The following ZNF618 variants were observed in gnomAD, a reference collection of about 807,000 sequenced individuals.
ZNF618 encodes the protein zinc finger protein 618.
Under a neutral mutation model 103.0 loss-of-function variants are expected in ZNF618, and 34 were observed. That is an observed-to-expected ratio of 0.33 (90% CI 0.25 to 0.44). The LOEUF (loss-of-function observed/expected upper bound fraction) is 0.44, where lower values mean the gene tolerates loss of function less well. Ranked by LOEUF, ZNF618 falls within the 20% of genes least tolerant of loss-of-function variation. The pLI is 1.00. For missense variants in ZNF618, 1,059 were observed against 1,295.4 expected (o/e 0.82, Z 2.80); for synonymous variants, 551 against 542.2 (o/e 1.02, Z -0.23).
intron 1 of ZNF618, among the ~76,000 whole-genome samples, chr9:113,906,329 AGGTTAT>A (rs2131349141): frequency 6.6e-6 from 1 of 152,222 alleles, no homozygotes; most frequent in South Asian, 2.1e-4. Flanking sequence ...AAGATGCCAG[AGGTTAT>A]GGCTCTGAAG....
intron 9 of ZNF618, among the ~76,000 whole-genome samples, chr9:114,011,982 T>G (rs1282369939): frequency 6.6e-6 from 1 of 151,864 alleles, no homozygotes; most frequent in Non-Finnish European, 1.5e-5. Flanking sequence ...ATGGGTTACT[T>G]GATTTTTATG....
chr9:113,887,119 G>GAGGGC (rs1829150109), intron 1 of ZNF618, among the ~76,000 whole-genome samples: 1 of 151,908 alleles, frequency 6.6e-6, no homozygotes, highest in South Asian at 2.1e-4. Context: ...GAACCCCGGA[G>GAGGGC]AGGGCAAGTG....
Position 114,050,296 on chromosome 9 carries a change from A to G in ZNF618, c.*129A>G. The G allele has an allele frequency of 8.5e-7, 1 of 1,170,222 alleles. No individual in the cohort carries two copies. Among genetic ancestry groups the G allele is most frequent in the South Asian group, 1.6e-5 (1 of 62,012 alleles). 72.5% of individuals were successfully genotyped at this position (1,170,222 alleles called of 1,614,324 possible). On this transcript the variant is annotated 3_prime_UTR_variant, in exon 15 of 15. Coordinates refer to ENST00000374126, the MANE Select transcript of ZNF618 (RefSeq NM_001318042.2). Reference sequence around the variant, plus strand: ...GACCTCATTATAAATGCCCCCTGGAAACTTAAGTGCTTTTTTTATATGTGT... The same window carrying G: ...GACCTCATTATAAATGCCCCCTGGAGACTTAAGTGCTTTTTTTATATGTGT...
chr9:114,039,775 T>C (rs1426338490), intron 13 of ZNF618, among the ~76,000 whole-genome samples: 1 of 152,196 alleles, frequency 6.6e-6, no homozygotes, highest in Non-Finnish European at 1.5e-5. Context: ...ATGACGGATG[T>C]AGAGTATCAA....
chr9:114,030,016 CCG>C (rs1490976425), intron 11 of ZNF618, among the ~76,000 whole-genome samples: 5 of 152,176 alleles, frequency 3.3e-5, no homozygotes, highest in Admixed American at 3.3e-4. Flanking sequence ...GCCTCTGGGA[CCG>C]CGGGCCCTTC....
In ZNF618 at chr9:113,999,166, C is replaced by A. The variant is rs1450576641; in HGVS notation, c.433+812C>A. On this transcript the variant is annotated intron_variant, in intron 4 of 14. Coordinates refer to ENST00000374126, the MANE Select transcript of ZNF618 (RefSeq NM_001318042.2). ...TCCCTGGCCCCATCACAAAGGGGAA[C>A]CTGAAGCCCAGAGTCGGGCTGAGCG... 2.0e-5 allele frequency among the ~76,000 whole-genome samples: 3 copies of A among 152,238 alleles called. No homozygotes were observed. The East Asian group carries it at 5.8e-4, about 29-fold the overall frequency.
chr9:114,001,904 A>ACTT, intron 4 of ZNF618, 92 bp from the exon 5 acceptor site: 4 of 1,088,946 alleles, frequency 3.7e-6, no homozygotes, highest in Non-Finnish European at 5.7e-6. Flanking sequence ...TGGGACAGAG[A>ACTT]GTTAGCCACA....
chr9:113,888,665 T>C (rs1261472046), intron 1 of ZNF618, among the ~76,000 whole-genome samples: 1 of 152,184 alleles, frequency 6.6e-6, no homozygotes, highest in Non-Finnish European at 1.5e-5. Context: ...ACCCCAGGGA[T>C]ACCTGGAGCC....
chr9:113,959,955 A>C (rs1004968349), intron 1 of ZNF618, among the ~76,000 whole-genome samples: 2 of 152,116 alleles, frequency 1.3e-5, no homozygotes, highest in African/African-American at 4.8e-5. Flanking sequence ...TTTGGAGGTG[A>C]ATTCTTCTAT....
At chr9:113,931,610 A>G (rs529972617) in intron 1 of ZNF618, among the ~76,000 whole-genome samples, 3 of 152,198 alleles carry the variant, frequency 2.0e-5, no homozygotes, top group Non-Finnish European at 2.9e-5. Flanking sequence ...GGGCTGATAC[A>G]GTAGCCACAA....
intron 9 of ZNF618, among the ~76,000 whole-genome samples, chr9:114,011,865 T>G (rs1192097612): frequency 1.3e-5 from 2 of 152,190 alleles, no homozygotes; most frequent in Non-Finnish European, 2.9e-5. Flanking sequence ...GTTAACTCGC[T>G]CTTCATCTGC....
chr9:113,992,176 A>C (rs1840130400), intron 3 of ZNF618, among the ~76,000 whole-genome samples: 1 of 152,188 alleles, frequency 6.6e-6, no homozygotes, highest in Non-Finnish European at 1.5e-5. Context: ...AGGATTCTAA[A>C]GGGTGGCATG....
intron 13 of ZNF618, among the ~76,000 whole-genome samples, chr9:114,043,154 C>T (rs1024317682): frequency 2.6e-5 from 4 of 152,186 alleles, no homozygotes; most frequent in African/African-American, 7.2e-5. Flanking sequence ...ATCTCCAGTT[C>T]GGGGCTATTA....
chr9:113,953,463 C>T (rs558831699), intron 1 of ZNF618, among the ~76,000 whole-genome samples: 1 of 152,298 alleles, frequency 6.6e-6, no homozygotes, highest in South Asian at 2.1e-4. Context: ...AATTTTGAGC[C>T]ATCCAGGCCA....
chr9:113,922,263 C>G (rs1188051551), intron 1 of ZNF618, among the ~76,000 whole-genome samples: 2 of 152,168 alleles, frequency 1.3e-5, no homozygotes, highest in Non-Finnish European at 2.9e-5. Flanking sequence ...AGGCCTGAAA[C>G]TGATAGTGAA....
chr9:113,991,726 C>T (rs191048334), intron 3 of ZNF618, among the ~76,000 whole-genome samples: 13 of 152,288 alleles, frequency 8.5e-5, no homozygotes, highest in Admixed American at 2.6e-4. Context: ...AGTTTTCTCC[C>T]CTGGGAACTG....
intron 3 of ZNF618, among the ~76,000 whole-genome samples, chr9:113,989,259 C>G (rs578237463): frequency 6.6e-6 from 1 of 151,766 alleles, no homozygotes; most frequent in Non-Finnish European, 1.5e-5. Context: ...AGAAGGCACG[C>G]CGCGTGTGTG....
intron 9 of ZNF618, among the ~76,000 whole-genome samples, chr9:114,009,357 G>A (rs1330418400): frequency 6.6e-6 from 1 of 152,222 alleles, no homozygotes; most frequent in Non-Finnish European, 1.5e-5. Context: ...GATGGCTTCA[G>A]GTCTTACAGA....
chr9:113,973,140 C>T (rs571351550), intron 2 of ZNF618, among the ~76,000 whole-genome samples: 56 of 152,272 alleles, frequency 3.7e-4, no homozygotes, highest in African/African-American at 1.0e-3. Context: ...GATTTGACCA[C>T]GGCCAGGTGG....
Sources: gnomAD v4.1 joint callset for allele counts (sites outside exome capture counted in the v4.1 genomes callset) on GRCh38, gnomAD v4.1.1 for gene constraint, MANE v1.5 for transcripts, NCBI Gene and HGNC (gene_info 2026-07-23, HGNC 2026-07-21) for gene names.